SLC29A3: variants seen among roughly 807,000 people sequenced by gnomAD.
SLC29A3 encodes the protein solute carrier family 29 member 3, also known as equilibrative nucleoside transporter 3.
In SLC29A3, 18 loss-of-function variants were observed where a neutral mutation model predicts 25.4. The observed-to-expected ratio is 0.71, with a 90% CI of 0.49 to 1.05. The LOEUF is 1.05. Ranked by LOEUF, SLC29A3 falls within the 50% of genes least tolerant of loss-of-function variation. The pLI is 0.00. For synonymous variants in SLC29A3, 258 were observed against 267.1 expected, an observed-to-expected ratio of 0.97 and a Z score of 0.33; for missense variants, 586 against 609.0, an observed-to-expected ratio of 0.96 and a Z score of 0.40.
At chr10:71,378,098 G>C (rs1021470011) in intron 4 of SLC29A3, among the ~76,000 whole-genome samples, 58 of 134,166 alleles carry the variant, frequency 4.3e-4, no homozygotes, top group South Asian at 3.1e-3. Context: ...ACAATGTTGG[G>C]GGGGGGGGTC....
intron 4 of SLC29A3, among the ~76,000 whole-genome samples, chr10:71,354,325 TAGA>T (rs1846840016): frequency 6.6e-6 from 1 of 152,220 alleles, no homozygotes; most frequent in African/African-American, 2.4e-5. Context: ...GTCACACAAC[TAGA>T]AGAAGTAGAG....
intron 3 of SLC29A3, among the ~76,000 whole-genome samples, chr10:71,372,963 G>A (rs191359141): frequency 2.3e-3 from 351 of 152,262 alleles, no homozygotes; most frequent in African/African-American, 8.1e-3. Flanking sequence ...CAAGGCATGC[G>A]TGCGATGACA....
At chr10:71,319,400 C>A (rs1227143869) in intron 1 of SLC29A3, 90 bp downstream of exon 1, 1 of 557,686 alleles carries the variant, frequency 1.8e-6, no homozygotes, top group South Asian at 2.2e-5. Flanking sequence ...GCCCTGGGGG[C>A]GGCTGCGGGC....
chr10:71,343,317 A>T (rs1846465044), intron 2 of SLC29A3, among the ~76,000 whole-genome samples: 1 of 152,216 alleles, frequency 6.6e-6, no homozygotes. Flanking sequence ...CACATAGTAC[A>T]GTCCATCCTA....
At position 71,322,720 on chromosome 10, in the gene SLC29A3, C is replaced by T. The variant is rs375543664; in HGVS notation, c.2-36C>T. 2.0e-5 allele frequency: 32 copies of T among 1,613,298 alleles called. No individual in the cohort carries two copies. The African/African-American group carries it at 3.5e-4, about 17-fold the overall frequency. On this transcript the variant is annotated intron_variant, in intron 1 of 5. Coordinates refer to ENST00000373189, the MANE Select transcript of SLC29A3 (RefSeq NM_018344.6). ...GTCCCCCAGCCTTGGTTTCTACTCA[C>T]CTACCCTGTCTCTGTTGCCCTCCTT...
At chr10:71,334,736 G>A (rs745806158) in intron 2 of SLC29A3, among the ~76,000 whole-genome samples, 29 of 152,176 alleles carry the variant, frequency 1.9e-4, no homozygotes, top group African/African-American at 4.8e-4. Context: ...CTGCACACCC[G>A]GACCTGCCTG....
intron 3 of SLC29A3, among the ~76,000 whole-genome samples, chr10:71,349,690 C>T (rs1486415949): frequency 6.6e-6 from 1 of 152,154 alleles, no homozygotes; most frequent in African/African-American, 2.4e-5. Flanking sequence ...TCCTCCAGGA[C>T]ATGAGTCCAC....
At chr10:71,343,111 T>C (rs1346711383) in intron 2 of SLC29A3, among the ~76,000 whole-genome samples, 6 of 152,190 alleles carry the variant, frequency 3.9e-5, no homozygotes, top group African/African-American at 1.4e-4. Flanking sequence ...AGCTGGGACT[T>C]ACAGGTGCAT....
intron 2 of SLC29A3, among the ~76,000 whole-genome samples, chr10:71,323,788 AG>A (rs1845906988): frequency 6.6e-6 from 1 of 152,186 alleles, no homozygotes; most frequent in African/African-American, 2.4e-5. Flanking sequence ...GTGGGTTTCA[AG>A]AAAGGGGAGG....
At chr10:71,381,082 A>G (rs1847299938) in exon 5 of SLC29A3, 1 of 152,216 alleles carries the variant, frequency 6.6e-6, no homozygotes. Flanking sequence ...TTTGGTAGGT[A>G]TTGCTAAAAA....
At chr10:71,360,228 C>G (rs934104115) in intron 5 of SLC29A3, among the ~76,000 whole-genome samples, 45 of 137,562 alleles carry the variant, frequency 3.3e-4, no homozygotes, top group Admixed American at 4.1e-4. Flanking sequence ...ACTGCAATGT[C>G]CATCTCCCGA....
chr10:71,368,836 T>C (rs1054529576), intron 3 of SLC29A3, among the ~76,000 whole-genome samples: 7 of 152,126 alleles, frequency 4.6e-5, no homozygotes, highest in African/African-American at 1.7e-4. Context: ...CCTCCTCCAT[T>C]TTCTCATCTG....
At chr10:71,320,850 C>G (rs1006522027) in intron 1 of SLC29A3, among the ~76,000 whole-genome samples, 1 of 152,194 alleles carries the variant, frequency 6.6e-6, no homozygotes, top group South Asian at 2.1e-4. Flanking sequence ...TCAAGGCTTG[C>G]AGGAAGGATG....
intron 2 of SLC29A3, among the ~76,000 whole-genome samples, chr10:71,343,218 G>C (rs962512181): frequency 6.6e-6 from 1 of 152,056 alleles, no homozygotes; most frequent in African/African-American, 2.4e-5. Context: ...CTCCCACCTT[G>C]GCCTCCCAAA....
downstream of SLC29A3, among the ~76,000 whole-genome samples, chr10:71,367,462 C>T (rs1025225430): frequency 2.6e-5 from 4 of 152,158 alleles, no homozygotes; most frequent in African/African-American, 9.7e-5. Flanking sequence ...TGACCATCTG[C>T]TGTGCCACTA....
intron 2 of SLC29A3, among the ~76,000 whole-genome samples, chr10:71,336,480 G>A (rs186068843): frequency 5.9e-5 from 9 of 152,110 alleles, no homozygotes; most frequent in Admixed American, 5.2e-4. Context: ...GGAGGGACAC[G>A]GCTTTGGCAG....
chr10:71,346,499 G>A (rs1288284280), intron 3 of SLC29A3, among the ~76,000 whole-genome samples: 2 of 152,162 alleles, frequency 1.3e-5, no homozygotes, highest in African/African-American at 4.8e-5. Context: ...AGGAGTTTGA[G>A]AGAACGCTGG....
chr10:71,338,830 A>G (rs535837684), intron 2 of SLC29A3, among the ~76,000 whole-genome samples: 31 of 152,334 alleles, frequency 2.0e-4, no homozygotes, highest in Non-Finnish European at 3.2e-4. Flanking sequence ...AGGGCCAGGT[A>G]GAAGAAAGAC....
chr10:71,340,100 G>A (rs991045538), intron 2 of SLC29A3, among the ~76,000 whole-genome samples: 2 of 152,220 alleles, frequency 1.3e-5, no homozygotes, highest in Non-Finnish European at 1.5e-5. Flanking sequence ...ACCAGCCTAA[G>A]GGTCTCCTGC....
Sources: allele counts gnomAD v4.1 joint callset (sites outside exome capture counted in the v4.1 genomes callset), GRCh38; gene constraint gnomAD v4.1.1; transcripts MANE v1.5; gene names NCBI Gene and HGNC (gene_info 2026-07-23, HGNC 2026-07-21).